SYNCRIP: variants seen among roughly 807,000 people sequenced by gnomAD.
The protein encoded by SYNCRIP is synaptotagmin binding cytoplasmic RNA interacting protein.
Under a neutral mutation model 68.9 loss-of-function variants are expected in SYNCRIP, and 9 were observed. That is an observed-to-expected ratio of 0.13 (90% CI 0.08 to 0.23). The LOEUF (loss-of-function observed/expected upper bound fraction) is 0.23. Ranked by LOEUF, SYNCRIP falls within the 10% of genes least tolerant of loss-of-function variation. The pLI, the probability that SYNCRIP is intolerant of heterozygous loss-of-function variation, is 1.00. For missense variants in SYNCRIP, 414 were observed against 770.6 expected (o/e 0.54, Z 5.48); for synonymous variants, 258 against 254.0 (o/e 1.02, Z -0.15).
intron 4 of SYNCRIP, among the ~76,000 whole-genome samples, chr6:85,637,872 A>G (rs1808634894): frequency 6.6e-6 from 1 of 152,172 alleles, no homozygotes; most frequent in South Asian, 2.1e-4. Context: ...ATCTCCTATT[A>G]TTATTTGACA....
intron 6 of SYNCRIP, among the ~76,000 whole-genome samples, chr6:85,630,287 G>T (rs887262757): frequency 9.9e-5 from 15 of 152,186 alleles, no homozygotes; most frequent in African/African-American, 3.4e-4. Flanking sequence ...CGTGAACCCA[G>T]GAGGTGGAGC....
At chr6:85,640,093 G>C (rs1412542581) in intron 4 of SYNCRIP, 128 bp downstream of exon 4, 3 of 676,618 alleles carry the variant, frequency 4.4e-6, no homozygotes, top group Non-Finnish European at 7.5e-6. Flanking sequence ...TTAAAAAAAG[G>C]AATTAGGAAA....
intron 6 of SYNCRIP, among the ~76,000 whole-genome samples, chr6:85,632,324 G>A (rs1310912239): frequency 6.6e-6 from 1 of 152,134 alleles, no homozygotes; most frequent in Non-Finnish European, 1.5e-5. Context: ...GAGGCATGAG[G>A]CACTTTCCCA....
intron 10 of SYNCRIP, among the ~76,000 whole-genome samples, chr6:85,616,263 A>T (rs774602112): frequency 1.3e-5 from 2 of 152,194 alleles, no homozygotes; most frequent in Non-Finnish European, 2.9e-5. Flanking sequence ...TGAAATATGG[A>T]AATTAATCCC....
In SYNCRIP at chr6:85,637,340, G is replaced by T. The variant is rs1161574149; in HGVS notation, c.392C>A (p.Thr131Lys). Residue 131 changes from threonine (T) to lysine (K), a missense_variant, in exon 5 of 11, where the codon ACA (threonine) becomes AAA (lysine). Around this residue, in one of 6 missense-constraint regions of SYNCRIP, gnomAD observed 110 missense variants for 269.3 expected, o/e 0.41. Coordinates refer to ENST00000369622, the MANE Select transcript of SYNCRIP (RefSeq NM_006372.5). ...EAKIKALLERTGYTLDVTTGQ... is the reference protein window; with the variant it reads ...EAKIKALLERKGYTLDVTTGQ... ...AGTGGTCACATCAAGTGTGTAGCCTGTTCTTTCCAAGAGTGCCTTGAAAAG... is the reference window on the plus strand; with the variant it reads ...AGTGGTCACATCAAGTGTGTAGCCTTTTCTTTCCAAGAGTGCCTTGAAAAG... 2.5e-6 allele frequency: 4 copies of T among 1,611,714 alleles called. No individual in the cohort carries two copies. Among genetic ancestry groups the T allele is most frequent in the Non-Finnish European group, 3.4e-6 (4 of 1,179,384 alleles).
chr6:85,627,485 C>T (rs1272260234), intron 6 of SYNCRIP, among the ~76,000 whole-genome samples: 1 of 151,912 alleles, frequency 6.6e-6, no homozygotes, highest in Non-Finnish European at 1.5e-5. Context: ...AATTGCTTAA[C>T]CTTTCTTACA....
At position 85,623,987 on chromosome 6, in the gene SYNCRIP, G is replaced by A. The variant is rs1339566695; in HGVS notation, c.792C>T (p.Ser264=). 1 of 1,613,624 alleles carries A rather than the reference G, an allele frequency of 6.2e-7. No individual in the cohort carries two copies. Among genetic ancestry groups the A allele is most frequent in the South Asian group, 1.1e-5 (1 of 91,010 alleles). The change falls in exon 7 of 11, where the codon AGC becomes AGT. Residue 264 remains serine, a synonymous_variant. Coordinates refer to ENST00000369622, the MANE Select transcript of SYNCRIP (RefSeq NM_006372.5). ...ATAAATCCAACTTACCTGTTACTTT[G>A]CTAAATTCTTCAAGAATCTGTTCCT... ...KTKEQILEEF[S]KVTEGLTDVI...
downstream of SYNCRIP, chr6:85,612,721 A>G (rs950534353): frequency 3.4e-6 from 2 of 595,412 alleles, no homozygotes; most frequent in East Asian, 3.3e-5. Context: ...TCAAAGTCCA[A>G]GTATTAGTTC....
chr6:85,617,643 T>G (rs1333176760), intron 10 of SYNCRIP, among the ~76,000 whole-genome samples: 1 of 152,218 alleles, frequency 6.6e-6, no homozygotes, highest in Non-Finnish European at 1.5e-5. Context: ...ATTTTAGAAC[T>G]GAAGAAATTG....
At chr6:85,613,005 G>T, downstream of SYNCRIP, 1 of 1,474,098 alleles carries the variant, frequency 6.8e-7, no homozygotes, top group East Asian at 2.6e-5. Flanking sequence ...ACATTAAAAA[G>T]ACAAGCCTTA....
Position 85,618,804 on chromosome 6 carries a change from C to G in SYNCRIP, c.1280+14G>C. The G allele has an allele frequency of 1.9e-6, 3 of 1,575,830 alleles. No homozygotes were observed. Among genetic ancestry groups the G allele is most frequent in the Non-Finnish European group, 2.6e-6 (3 of 1,158,946 alleles). On this transcript the variant is annotated intron_variant, in intron 10 of 10. Coordinates refer to ENST00000369622, the MANE Select transcript of SYNCRIP (RefSeq NM_006372.5). ...AAAATTTATACAATTTTTAAGTATA[C>G]AAATTTCACTCACATTTGATTTTTT...
At chr6:85,641,500 A>G (rs1315463614) in intron 1 of SYNCRIP, 49 bp from the exon 2 acceptor site, 2 of 1,561,228 alleles carry the variant, frequency 1.3e-6, no homozygotes, top group East Asian at 4.5e-5. Context: ...CAAAAAGAAT[A>G]CAAGACAATA....
At chr6:85,638,092 G>C (rs1808672816) in intron 4 of SYNCRIP, among the ~76,000 whole-genome samples, 2 of 152,142 alleles carry the variant, frequency 1.3e-5, no homozygotes, top group South Asian at 2.1e-4. Context: ...AAGAAGTATA[G>C]GCTGGGTGCA....
chr6:85,621,149 T>C (rs1172417786), intron 8 of SYNCRIP, among the ~76,000 whole-genome samples: 2 of 152,210 alleles, frequency 1.3e-5, no homozygotes, highest in South Asian at 2.1e-4. Flanking sequence ...GCTAACCCAA[T>C]GAGAATTTAT....
At chr6:85,619,663 T>C (rs1174533680) in intron 8 of SYNCRIP, among the ~76,000 whole-genome samples, 1 of 152,214 alleles carries the variant, frequency 6.6e-6, no homozygotes, top group Non-Finnish European at 1.5e-5. Context: ...CTCATGAAGA[T>C]GCTCAATATA....
At chr6:85,627,063 C>G (rs566143466) in intron 6 of SYNCRIP, among the ~76,000 whole-genome samples, 29 of 151,880 alleles carry the variant, frequency 1.9e-4, no homozygotes, top group Admixed American at 2.0e-4. Context: ...CTCAGGAGTT[C>G]GAGACCAGCC....
Position 85,614,913 on chromosome 6 carries a change from T to C in SYNCRIP, c.1715A>G (p.Gln572Arg), listed in dbSNP as rs984144906. The C allele has an allele frequency of 1.2e-6, 2 of 1,614,222 alleles. No homozygotes were observed. Among genetic ancestry groups the C allele is most frequent in the East Asian group, 4.5e-5 (2 of 44,888 alleles). The change falls in exon 11 of 11, where the codon CAG (glutamine) becomes CGG (arginine). Residue 572 changes from glutamine to arginine, a missense_variant. Gln to Arg is a conservative substitution (Grantham distance 43, BLOSUM62 1). This residue lies in a region of SYNCRIP where 130 missense variants were observed against 149.0 expected (regional missense o/e 0.87). Transcript: ENST00000369622. ...GGKRKADGYN[Q>R]PDSKRRQTNN... ...GGTCTGGCGCCGCTTGGAATCTGGC[T>C]GGTTGTACCCATCAGCTTTGCGCTT...
intron 6 of SYNCRIP, among the ~76,000 whole-genome samples, chr6:85,636,456 G>C (rs1808465451): frequency 6.6e-6 from 1 of 151,426 alleles, no homozygotes; most frequent in Non-Finnish European, 1.5e-5. Flanking sequence ...AAAAAGAAAA[G>C]AAAAAAGAAA....
downstream of SYNCRIP, among the ~76,000 whole-genome samples, chr6:85,613,520 CCAT>C (rs1401446986): frequency 6.6e-6 from 1 of 152,064 alleles, no homozygotes; most frequent in Non-Finnish European, 1.5e-5. Flanking sequence ...TAACATTTTC[CCAT>C]CATTACTGTT....
Sources: allele counts gnomAD v4.1 joint callset (sites outside exome capture counted in the v4.1 genomes callset), GRCh38; gene constraint gnomAD v4.1.1; regional missense constraint gnomAD v4.1.1; transcripts MANE v1.5; gene names NCBI Gene and HGNC (gene_info 2026-07-23, HGNC 2026-07-21).